The following ADK variants were observed in gnomAD, a reference collection of about 807,000 sequenced individuals.
ADK encodes the protein N6,N6-dimethyladenosine kinase.
ADK carries 24 observed loss-of-function variants against 44.7 expected under a neutral mutation model. The ratio of observed to expected loss-of-function variants is 0.54; its 90% CI spans 0.39 to 0.76. The LOEUF (loss-of-function observed/expected upper bound fraction) is 0.76. ADK is among the 30% of genes least tolerant of loss of function. The probability of loss-of-function intolerance (pLI) is 0.00; values close to 1 mark genes in which losing one functional copy is unlikely to be tolerated. For missense variants in ADK, 321 were observed against 425.1 expected, an observed-to-expected ratio of 0.76 and a Z score of 2.15; for synonymous variants, 128 against 142.6, an observed-to-expected ratio of 0.90 and a Z score of 0.73.
At chr10:74,446,267 C>T (rs745361110) in intron 6 of ADK, among the ~76,000 whole-genome samples, 13 of 152,020 alleles carry the variant, frequency 8.6e-5, no homozygotes, top group Non-Finnish European at 1.5e-4. Flanking sequence ...CTTTCAGGAA[C>T]CCTTCCAACC....
chr10:74,387,324 A>C (rs1188231416), intron 4 of ADK, among the ~76,000 whole-genome samples: 3 of 152,226 alleles, frequency 2.0e-5, no homozygotes, highest in Non-Finnish European at 4.4e-5. Context: ...TCTGTGATAA[A>C]AAGCAAATCA....
intron 9 of ADK, among the ~76,000 whole-genome samples, chr10:74,641,187 G>A (rs1040092437): frequency 6.6e-6 from 1 of 152,062 alleles, no homozygotes. Context: ...TTTCATAGTA[G>A]AAGGTAGGCT....
At chr10:74,705,669 G>A (rs1444947885) in intron 10 of ADK, among the ~76,000 whole-genome samples, 1 of 152,178 alleles carries the variant, frequency 6.6e-6, no homozygotes, top group Admixed American at 6.5e-5. Flanking sequence ...GAAATAGAAC[G>A]GATCATATGA....
At chr10:74,255,858 A>G (rs982472777) in intron 3 of ADK, among the ~76,000 whole-genome samples, 15 of 152,268 alleles carry the variant, frequency 9.9e-5, no homozygotes, top group African/African-American at 3.6e-4. Context: ...GCACTGTGGA[A>G]CTTTAGTCAT....
intron 8 of ADK, 146 bp from the exon 9 acceptor site, chr10:74,600,233 G>A (rs1852066032): frequency 5.1e-6 from 3 of 582,740 alleles, no homozygotes; most frequent in Non-Finnish European, 9.4e-6. Flanking sequence ...ATTTACTTTT[G>A]TATATGGTTA....
At chr10:74,560,634 T>C (rs1367070906) in intron 7 of ADK, among the ~76,000 whole-genome samples, 1 of 152,214 alleles carries the variant, frequency 6.6e-6, no homozygotes, top group African/African-American at 2.4e-5. Context: ...TTTAGTCTTT[T>C]ATGTGTCCTT....
At chr10:74,615,452 T>G (rs1245174105) in intron 9 of ADK, among the ~76,000 whole-genome samples, 1 of 152,210 alleles carries the variant, frequency 6.6e-6, no homozygotes, top group Admixed American at 6.5e-5. Context: ...ACCATAGTTA[T>G]GATACCAAAG....
chr10:74,500,205 C>T (rs1267483294), intron 6 of ADK, among the ~76,000 whole-genome samples: 1 of 152,144 alleles, frequency 6.6e-6, no homozygotes, highest in African/African-American at 2.4e-5. Flanking sequence ...AGAACTGCCT[C>T]TTGGAACAAA....
chr10:74,274,109 T>G (rs941317610), intron 3 of ADK, among the ~76,000 whole-genome samples: 23 of 152,154 alleles, frequency 1.5e-4, no homozygotes, highest in African/African-American at 5.6e-4. Flanking sequence ...TTTGCACAGT[T>G]GAAAATTGAC....
At chr10:74,335,128 C>T (rs1161494424) in intron 4 of ADK, among the ~76,000 whole-genome samples, 1 of 152,192 alleles carries the variant, frequency 6.6e-6, no homozygotes, top group African/African-American at 2.4e-5. Context: ...TTGTGCTGGT[C>T]TACCTGCCCT....
chr10:74,285,785 T>G (rs1847141050), intron 3 of ADK, among the ~76,000 whole-genome samples: 1 of 151,872 alleles, frequency 6.6e-6, no homozygotes, highest in African/African-American at 2.4e-5. Flanking sequence ...AGGAGAGAGG[T>G]GGAATTGAAG....
chr10:74,517,647 C>T (rs1848646074), intron 6 of ADK, among the ~76,000 whole-genome samples: 1 of 151,274 alleles, frequency 6.6e-6, no homozygotes, highest in South Asian at 2.1e-4. Flanking sequence ...TGTGATTGCA[C>T]CACTGCACTC....
At position 74,265,363 on chromosome 10, in the gene ADK, G is replaced by A. The variant is rs143875549; in HGVS notation, c.194+40772G>A. 2.5e-3 allele frequency among the ~76,000 whole-genome samples: 375 copies of A among 151,930 alleles called. 2 individuals are homozygous for A. The highest frequency in any genetic ancestry group is 8.6e-3 in the African/African-American group (357 of 41,438). On this transcript the variant is annotated intron_variant, in intron 3 of 10. Transcript: ENST00000539909. ...CCTGAGTAGCTAGGACTACAGGTGC[G>A]CACCACCACGCCCAGCTAATTGTTT...
intron 6 of ADK, among the ~76,000 whole-genome samples, chr10:74,402,546 G>A (rs1246904912): frequency 6.6e-6 from 1 of 152,016 alleles, no homozygotes; most frequent in East Asian, 1.9e-4. Flanking sequence ...AGCTACTGAA[G>A]CTTGTGCATG....
chr10:74,474,509 C>A (rs139086445), intron 6 of ADK, among the ~76,000 whole-genome samples: 2 of 150,020 alleles, frequency 1.3e-5, no homozygotes, highest in African/African-American at 4.9e-5. Flanking sequence ...TCCTTTCCTT[C>A]CCTTCCCTTC....
At chr10:74,684,449 C>A (rs1015442600) in intron 10 of ADK, among the ~76,000 whole-genome samples, 7 of 151,842 alleles carry the variant, frequency 4.6e-5, no homozygotes, top group African/African-American at 1.5e-4. Flanking sequence ...TCTGAAAAAT[C>A]AACTTAAAAG....
chr10:74,224,585 AG>A lies in ADK; in HGVS notation c.190del (p.Glu64AsnfsTer7). 2.5e-6 allele frequency: 4 copies of A among 1,613,490 alleles called. No individual in the cohort carries two copies. Among genetic ancestry groups the A allele is most frequent in the Non-Finnish European group, 3.4e-6 (4 of 1,179,536 alleles). On this transcript the variant is annotated frameshift_variant, in exon 3 of 11. Coordinates refer to ENST00000539909, the MANE Select transcript of ADK (RefSeq NM_006721.4). LOFTEE classifies it high-confidence loss of function. ...NDQILAEDKH[K>X]ELFDELVKKF... is the part of the protein sequence containing the mutation. ...CAAATCTTGGCTGAAGACAAACACA[AG>A]GAACTGTAAGTGCATTAAACCATTG...
chr10:74,198,046 C>T (rs866750174), intron 1 of ADK, among the ~76,000 whole-genome samples: 20 of 152,144 alleles, frequency 1.3e-4, no homozygotes, highest in African/African-American at 2.6e-4. Flanking sequence ...TGCTTACAAA[C>T]GGTGATAAAA....
At chr10:74,393,397 C>T (rs1843404957) in intron 4 of ADK, among the ~76,000 whole-genome samples, 1 of 152,010 alleles carries the variant, frequency 6.6e-6, no homozygotes, top group African/African-American at 2.4e-5. Context: ...ACAAGAAATC[C>T]ATTAAAGCTT....
Sources: gnomAD v4.1 joint callset for allele counts (sites outside exome capture counted in the v4.1 genomes callset) on GRCh38, gnomAD v4.1.1 for gene constraint, MANE v1.5 for transcripts, NCBI Gene and HGNC (gene_info 2026-07-23, HGNC 2026-07-21) for gene names.